NPSR1: variants seen among roughly 807,000 people sequenced by gnomAD.
NPSR1 encodes neuropeptide S receptor 1.
NPSR1 carries 48 observed loss-of-function variants against 46.9 expected under a neutral mutation model. The observed-to-expected ratio is 1.02, with a 90% CI of 0.81 to 1.30. The LOEUF (loss-of-function observed/expected upper bound fraction) is 1.30, where lower values mean the gene tolerates loss of function less well. Ranked by LOEUF, NPSR1 falls within the 50% of genes most tolerant of loss-of-function variation. The probability of loss-of-function intolerance (pLI) is 0.00; values close to 1 mark genes in which losing one functional copy is unlikely to be tolerated. For missense variants in NPSR1, 450 were observed against 449.5 expected (o/e 1.00, Z -0.01); for synonymous variants, 176 against 168.1 (o/e 1.05, Z -0.36).
intron 2 of NPSR1, chr7:34,704,299 CAT>C (rs965231763): frequency 1.9e-4 from 29 of 152,066 alleles, no homozygotes; most frequent in Admixed American, 1.6e-3. Context: ...ATTTATATGA[CAT>C]GTTATTTTTT....
In NPSR1 at chr7:34,827,478, G is replaced by T; in HGVS notation, c.556G>T (p.Gly186Trp). Residue 186 changes from glycine (G) to tryptophan (W), a missense_variant, in exon 5 of 9, where the codon GGG becomes TGG. Transcript: ENST00000360581. Reference sequence around the variant, plus strand: ...CTCCATTCCCACCCTGATCATATTTGGGAAGAGGACACTGTCCAACGGTGA... The same window carrying T: ...CTCCATTCCCACCCTGATCATATTTTGGAAGAGGACACTGTCCAACGGTGA... ...LFSIPTLIIF[G>W]KRTLSNGEVQ... The T allele has an allele frequency of 1.9e-6, 3 of 1,614,082 alleles. No homozygotes were observed. Among genetic ancestry groups the T allele is most frequent in the Non-Finnish European group, 2.5e-6 (3 of 1,179,984 alleles).
intron 8 of NPSR1, among the ~76,000 whole-genome samples, chr7:34,870,882 G>A (rs1791435701): frequency 6.7e-6 from 1 of 150,332 alleles, no homozygotes; most frequent in Admixed American, 6.6e-5. Context: ...ATGGATGGAT[G>A]GATGGATGGA....
At chr7:34,719,178 T>A (rs904241724) in intron 2 of NPSR1, 4 of 152,302 alleles carry the variant, frequency 2.6e-5, no homozygotes, top group African/African-American at 9.7e-5. Context: ...ACTCAATACC[T>A]AATAACTGCC....
intron 8 of NPSR1, among the ~76,000 whole-genome samples, chr7:34,875,412 C>T (rs1305657323): frequency 6.6e-6 from 1 of 152,188 alleles, no homozygotes; most frequent in Non-Finnish European, 1.5e-5. Context: ...TAACGTCTTC[C>T]AGAGAGTTTA....
In NPSR1 at chr7:34,658,294, G is replaced by T; in HGVS notation, c.-119G>T. 1 of 1,102,556 alleles carries T rather than the reference G, an allele frequency of 9.1e-7. No homozygotes were observed. The highest frequency in any genetic ancestry group is 1.3e-6 in the Non-Finnish European group (1 of 760,578). 68.3% of individuals were successfully genotyped at this position (1,102,556 alleles called of 1,614,324 possible). A position where few individuals can be genotyped will look rare whatever the true frequency, so the allele number is the denominator to read the frequency against. On this transcript the variant is annotated 5_prime_UTR_variant, in exon 1 of 9. Coordinates refer to ENST00000360581, the MANE Select transcript of NPSR1 (RefSeq NM_207172.2). ...AGCTCTTCAGTGAGGTGGGCTCAGG[G>T]AGGGCTCTGTGCCTCCGTTCAGCAG...
chr7:34,806,825 T>C (rs1209318386), intron 3 of NPSR1, among the ~76,000 whole-genome samples: 1 of 152,164 alleles, frequency 6.6e-6, no homozygotes, highest in Non-Finnish European at 1.5e-5. Context: ...AAGTCTATTT[T>C]CTTAAAGTCA....
In NPSR1 at chr7:34,747,993, T is replaced by C. The variant is rs1025868253; in HGVS notation, c.281-30469T>C. ...TCACTGTGCCTCCAGTCATGTTTAC[T>C]GTGCAGCAAGGCTTTTGGCCAGAGA... On this transcript the variant is annotated intron_variant, in intron 2 of 8. Transcript: ENST00000360581. 3.9e-5 allele frequency among the ~76,000 whole-genome samples: 6 copies of C among 152,322 alleles called. No individual in the cohort carries two copies. The South Asian group carries it at 8.3e-4, about 21-fold the overall frequency.
At chr7:34,664,502 G>A (rs1195652082) in intron 1 of NPSR1, among the ~76,000 whole-genome samples, 2 of 152,152 alleles carry the variant, frequency 1.3e-5, no homozygotes, top group Non-Finnish European at 2.9e-5. Flanking sequence ...TAAGGAAGAA[G>A]TTTCGGAAGA....
chr7:34,663,109 G>A (rs1356079399), intron 1 of NPSR1, among the ~76,000 whole-genome samples: 1 of 147,122 alleles, frequency 6.8e-6, no homozygotes, highest in African/African-American at 2.6e-5. Flanking sequence ...GGGGAGTGGG[G>A]GTAGAGGATG....
At chr7:34,690,283 G>T (rs1793182660) in intron 2 of NPSR1, among the ~76,000 whole-genome samples, 1 of 151,876 alleles carries the variant, frequency 6.6e-6, no homozygotes, top group Non-Finnish European at 1.5e-5. Context: ...AAAAAAATAA[G>T]AAGAGATAGC....
chr7:34,796,810 A>G (rs1215486608), intron 3 of NPSR1, among the ~76,000 whole-genome samples: 1 of 152,170 alleles, frequency 6.6e-6, no homozygotes, highest in East Asian at 1.9e-4. Context: ...GCATTCCAGC[A>G]ATTGTGCTCC....
chr7:34,802,419 A>G (rs1788468039), intron 3 of NPSR1, among the ~76,000 whole-genome samples: 1 of 150,136 alleles, frequency 6.7e-6, no homozygotes, highest in South Asian at 2.1e-4. Flanking sequence ...CCGCATATCT[A>G]CAACTATCTG....
intron 6 of NPSR1, among the ~76,000 whole-genome samples, chr7:34,838,525 G>T (rs751954557): frequency 2.6e-5 from 4 of 152,112 alleles, no homozygotes; most frequent in Non-Finnish European, 5.9e-5. Flanking sequence ...AGGTAAATCG[G>T]ATCTCCAGCT....
chr7:34,783,978 C>A (rs79643048), intron 3 of NPSR1, among the ~76,000 whole-genome samples: 11,238 of 151,964 alleles, frequency 0.074, 505 homozygotes, highest in East Asian at 0.12. Flanking sequence ...GAGTTCATCA[C>A]CACCAAACCT....
chr7:34,783,633 G>GA (rs796967307), intron 3 of NPSR1, among the ~76,000 whole-genome samples: 34 of 152,160 alleles, frequency 2.2e-4, no homozygotes, highest in African/African-American at 7.9e-4. Flanking sequence ...TCTGGGGAAA[G>GA]ATACAAATAT....
In NPSR1 at chr7:34,802,134, T is replaced by C. The variant is rs931414761; in HGVS notation, c.385-9636T>C. Among the ~76,000 whole-genome samples the C allele has an allele frequency of 4.0e-5, 6 of 150,368 alleles. 1 individual carries two copies. Among genetic ancestry groups the C allele is most frequent in the African/African-American group, 1.5e-4 (6 of 39,694 alleles). ...AGAATCAATATCGTGAAAATGCCCATACTGCCCAAGGTATTTTATAGATTC... is the reference window on the plus strand; with the variant it reads ...AGAATCAATATCGTGAAAATGCCCACACTGCCCAAGGTATTTTATAGATTC... On this transcript the variant is annotated intron_variant, in intron 3 of 8. Transcript: ENST00000360581.
At chr7:34,801,826 A>G (rs1788431083) in intron 3 of NPSR1, among the ~76,000 whole-genome samples, 1 of 149,126 alleles carries the variant, frequency 6.7e-6, no homozygotes, top group Admixed American at 6.6e-5. Context: ...CCATCATCTC[A>G]GCCCCAAATC....
At chr7:34,830,186 C>T (rs1395425600) in intron 5 of NPSR1, among the ~76,000 whole-genome samples, 1 of 152,186 alleles carries the variant, frequency 6.6e-6, no homozygotes, top group Non-Finnish European at 1.5e-5. Flanking sequence ...CTTATTCTGT[C>T]TTTATTACCT....
intron 2 of NPSR1, among the ~76,000 whole-genome samples, chr7:34,704,822 G>A (rs1455314577): frequency 2.6e-5 from 4 of 152,090 alleles, no homozygotes; most frequent in African/African-American, 9.7e-5. Flanking sequence ...TTCTCCTATT[G>A]GTCCTAAGTT....
Sources: allele counts gnomAD v4.1 joint callset (sites outside exome capture counted in the v4.1 genomes callset), GRCh38; gene constraint gnomAD v4.1.1; transcripts MANE v1.5; gene names NCBI Gene and HGNC (gene_info 2026-07-23, HGNC 2026-07-21).